Variants in RNF135 observed in about 807,000 individuals in gnomAD.
RNF135 encodes E3 ubiquitin-protein ligase RNF135.
RNF135 carries 46 observed loss-of-function variants against 41.9 expected under a neutral mutation model. The ratio of observed to expected loss-of-function variants is 1.10; its 90% CI spans 0.87 to 1.40. RNF135 has a LOEUF of 1.40. Ranked by LOEUF, RNF135 falls within the 40% of genes most tolerant of loss-of-function variation. RNF135 has a pLI of 0.00. For missense variants in RNF135, 539 were observed against 549.8 expected (o/e 0.98, Z 0.20); for synonymous variants, 238 against 223.8 (o/e 1.06, Z -0.57).
At chr17:30,964,281 T>C in the RNF135 span, among the ~76,000 whole-genome samples, 1 of 146,080 alleles carries the variant, frequency 6.8e-6, no homozygotes, top group Non-Finnish European at 1.5e-5. Context: ...CCCAGCTACT[T>C]GGGAGGCTGA....
At chr17:30,961,267 G>C in the RNF135 span, among the ~76,000 whole-genome samples, 1 of 152,138 alleles carries the variant, frequency 6.6e-6, no homozygotes, top group Non-Finnish European at 1.5e-5. Context: ...CTGATGCAGG[G>C]TAGGTAGTCA....
the RNF135 span, among the ~76,000 whole-genome samples, chr17:30,960,739 A>T: frequency 4.0e-4 from 53 of 133,566 alleles, no homozygotes; most frequent in Admixed American, 1.6e-3. Flanking sequence ...TATTTATTTT[A>T]TTTTATTTTT....
intron 1 of RNF135, 109 bp downstream of exon 1, chr17:30,971,554 C>G: frequency 7.3e-7 from 1 of 1,374,734 alleles, no homozygotes; most frequent in South Asian, 1.7e-5. Context: ...TTTTACGTTC[C>G]TTTTCTCAGT....
the RNF135 span, among the ~76,000 whole-genome samples, chr17:30,963,639 T>G: frequency 6.6e-6 from 1 of 152,164 alleles, no homozygotes; most frequent in Non-Finnish European, 1.5e-5. Flanking sequence ...TCATATATTC[T>G]GGATACTAGG....
At chr17:30,964,843 C>T in the RNF135 span, 24,850 of 151,928 alleles carry the variant, frequency 0.16, 6,396 homozygotes, top group African/African-American at 0.55. Flanking sequence ...GCCACCGCAC[C>T]GGGCTAATTT....
intron 1 of RNF135, among the ~76,000 whole-genome samples, chr17:30,979,938 C>T (rs1336484335): frequency 7.4e-4 from 78 of 105,376 alleles, no homozygotes; most frequent in African/African-American, 2.6e-3. Flanking sequence ...GGCGGCCGGG[C>T]AGAGGCGCCC....
intron 4 of RNF135, among the ~76,000 whole-genome samples, chr17:30,998,028 A>G (rs1248141604): frequency 6.6e-6 from 1 of 152,244 alleles, no homozygotes; most frequent in East Asian, 1.9e-4. Context: ...GTGGTCATAA[A>G]TCACCATAAG....
At chr17:30,962,087 A>T in the RNF135 span, among the ~76,000 whole-genome samples, 19 of 151,408 alleles carry the variant, frequency 1.3e-4, 1 homozygote, top group South Asian at 2.3e-3. Context: ...TTCTGCACTT[A>T]ATTTTCAAAA....
Position 30,999,144 on chromosome 17 carries a change from G to T in RNF135, c.1252G>T (p.Gly418Cys). The T allele has an allele frequency of 6.2e-7, 1 of 1,614,106 alleles. No homozygotes were observed. The highest frequency in any genetic ancestry group is 8.5e-7 in the Non-Finnish European group (1 of 1,180,024). Residue 418 changes from glycine to cysteine, a missense_variant, in exon 5 of 5, where the codon GGC becomes TGC. Gly to Cys is a radical substitution (Grantham distance 159). Transcript: ENST00000328381. Reference sequence around the variant, plus strand: ...TTTGTACCCTGCCTTCTGGCTGTATGGCTTACATCCTGGAAATTACCTGAT... The same window carrying T: ...TTTGTACCCTGCCTTCTGGCTGTATTGCTTACATCCTGGAAATTACCTGAT... ...SPLYPAFWLYGLHPGNYLIIK... is the reference protein window; with the variant it reads ...SPLYPAFWLYCLHPGNYLIIK...
At chr17:30,987,904 G>A (rs186257751) in intron 2 of RNF135, 40 bp from the exon 3 acceptor site, 3 of 1,548,236 alleles carry the variant, frequency 1.9e-6, no homozygotes, top group Middle Eastern at 1.7e-4. Flanking sequence ...GACTGCATAG[G>A]GGACTTCCAT....
rs926995158 is a variant in RNF135 at position 30,971,271 on chromosome 17, C to G, written c.198C>G (p.Ala66=). 4.6e-6 allele frequency: 7 copies of G among 1,524,562 alleles called. No homozygotes were observed. In the African/African-American group the frequency reaches 1.0e-4, roughly 22 times the overall value. 94.4% of individuals were successfully genotyped at this position (1,524,562 alleles called of 1,614,324 possible). ...RWACPTCRQG[A]AQQPHLRKNT... The stretch of plus-strand genomic sequence containing the variant: ...CCTGCCCCACTTGCCGCCAGGGCGC[C>G]GCGCAGCAGCCGCACCTGCGGAAGA... Residue 66 remains alanine, a synonymous_variant, in exon 1 of 5, where the codon GCC becomes GCG. Coordinates refer to ENST00000328381, the MANE Select transcript of RNF135 (RefSeq NM_032322.4).
chr17:30,983,271 C>T (rs1332449721), intron 1 of RNF135, among the ~76,000 whole-genome samples: 5 of 137,448 alleles, frequency 3.6e-5, no homozygotes, highest in Non-Finnish European at 3.1e-5. Flanking sequence ...CTTATATATC[C>T]GGAAGTGGAA....
intron 1 of RNF135, among the ~76,000 whole-genome samples, chr17:30,973,677 G>T (rs796441159): frequency 1.4e-4 from 21 of 152,154 alleles, no homozygotes; most frequent in African/African-American, 4.8e-4. Context: ...TGTGGGCCAG[G>T]CTGGTCTTGA....
At chr17:30,966,640 C>T (rs887473584), upstream of RNF135, among the ~76,000 whole-genome samples, 9 of 150,476 alleles carry the variant, frequency 6.0e-5, no homozygotes, top group Admixed American at 2.7e-4. Flanking sequence ...AGACTACAGG[C>T]GCCCGCCACC....
chr17:30,986,801 A>G (rs1907621517), intron 2 of RNF135, among the ~76,000 whole-genome samples: 1 of 152,220 alleles, frequency 6.6e-6, no homozygotes, highest in Non-Finnish European at 1.5e-5. Flanking sequence ...AAAGAGGTAT[A>G]AGAAAGTGCT....
Position 30,971,429 on chromosome 17 carries a change from G to A in RNF135, c.356G>A (p.Arg119His), listed in dbSNP as rs774211022. The part of the protein sequence containing the change: ...LSSAAARPRR[R>H]PELQRVAVEK... ...AGCGCGGCCGCGAGGCCCCGGCGCC[G>A]CCCGGAACTGCAGCGGGTAGGGAGG... Residue 119 changes from arginine to histidine, a missense_variant, in exon 1 of 5, where the codon CGC (arginine) becomes CAC (histidine). Coordinates refer to ENST00000328381, the MANE Select transcript of RNF135 (RefSeq NM_032322.4). The A allele has an allele frequency of 4.5e-5, 68 of 1,514,196 alleles. No individual in the cohort carries two copies. Among genetic ancestry groups the A allele is most frequent in the Non-Finnish European group, 2.1e-5 (24 of 1,138,672 alleles). 93.8% of individuals were successfully genotyped at this position (1,514,196 alleles called of 1,614,324 possible).
chr17:30,969,637 C>A (rs1282117085), upstream of RNF135, among the ~76,000 whole-genome samples: 1 of 152,148 alleles, frequency 6.6e-6, no homozygotes, highest in African/African-American at 2.4e-5. Flanking sequence ...GCCAGTCCTA[C>A]CATGTGCCCA....
At chr17:30,983,353 A>ATTTTTTTTT (rs1192298651) in intron 1 of RNF135, among the ~76,000 whole-genome samples, 5 of 35,730 alleles carry the variant, frequency 1.4e-4, no homozygotes, top group Non-Finnish European at 1.6e-4. Flanking sequence ...ATATATATAT[A>ATTTTTTTTT]TTTTTTTTTT....
chr17:30,991,414 CTT>C (rs529402946), intron 3 of RNF135, among the ~76,000 whole-genome samples: 1 of 150,028 alleles, frequency 6.7e-6, no homozygotes. Context: ...TTCTCTTTCT[CTT>C]TCTTTTTTTT....
Sources: gnomAD v4.1 joint callset for allele counts (sites outside exome capture counted in the v4.1 genomes callset) on GRCh38, gnomAD v4.1.1 for gene constraint, MANE v1.5 for transcripts, NCBI Gene and HGNC (gene_info 2026-07-23, HGNC 2026-07-21) for gene names.